The following PRDM12 variants were observed in gnomAD, a reference collection of about 807,000 sequenced individuals.
The protein encoded by PRDM12 is PR domain zinc finger protein 12.
A neutral mutation model predicts 29.6 loss-of-function variants in PRDM12; 17 were observed. The observed-to-expected ratio is 0.57, with a 90% CI of 0.39 to 0.86. The LOEUF is 0.86. Ranked by LOEUF, PRDM12 falls within the 40% of genes least tolerant of loss-of-function variation. PRDM12 has a pLI of 0.00. For missense variants in PRDM12, 422 were observed against 510.8 expected (o/e 0.83, Z 1.68); for synonymous variants, 231 against 225.8 (o/e 1.02, Z -0.21).
chr9:130,667,512 C>T (rs979057561), intron 2 of PRDM12, among the ~76,000 whole-genome samples: 3 of 141,008 alleles, frequency 2.1e-5, no homozygotes, highest in East Asian at 2.4e-4. Context: ...CTCATTCCCT[C>T]GCCCGCTCCC....
In PRDM12 at chr9:130,664,903, C is replaced by A. The variant is rs1159277744; in HGVS notation, c.223+27C>A. 2 of 1,502,328 alleles carry A rather than the reference C, an allele frequency of 1.3e-6. No individual in the cohort carries two copies. The highest frequency in any genetic ancestry group is 2.0e-5 in the Admixed American group (1 of 49,026). 93.1% of individuals were successfully genotyped at this position (1,502,328 alleles called of 1,614,324 possible). A position where few individuals can be genotyped will look rare whatever the true frequency, so the allele number is the denominator to read the frequency against. ...TGAGTCCAGCCGTCGGAGCCCGGCG[C>A]AATCCCTCCTCCCGGCGACCCCCAT... On this transcript the variant is annotated intron_variant, in intron 1 of 4. Transcript: ENST00000253008. The surrounding 1 kb of genome is among the most constrained non-coding windows in gnomAD (Gnocchi z 6.4).
At chr9:130,674,881 T>G (rs1405211778) in intron 3 of PRDM12, among the ~76,000 whole-genome samples, 1 of 152,190 alleles carries the variant, frequency 6.6e-6, no homozygotes, top group South Asian at 2.1e-4. Flanking sequence ...TCAGAGTTCT[T>G]ATTTTATTTA....
intron 3 of PRDM12, among the ~76,000 whole-genome samples, chr9:130,676,593 G>A (rs1287857144): frequency 6.6e-6 from 1 of 152,162 alleles, no homozygotes; most frequent in Non-Finnish European, 1.5e-5. Context: ...CTGACCTGCT[G>A]GCCTCCTGGA....
intron 1 of PRDM12, among the ~76,000 whole-genome samples, chr9:130,665,919 C>T (rs914587613): frequency 6.6e-6 from 1 of 152,216 alleles, no homozygotes; most frequent in Non-Finnish European, 1.5e-5. Context: ...GGGGCCGCCG[C>T]GGCTCCTCCC....
In PRDM12 at chr9:130,666,755, C is replaced by A. The variant is rs764884666; in HGVS notation, c.371C>A (p.Pro124Gln). The change falls in exon 2 of 5, where the codon CCG (proline) becomes CAG (glutamine). Residue 124 changes from proline (P) to glutamine (Q), a missense_variant. Physicochemically the swap from Pro to Gln is moderately conservative, Grantham distance 76 (BLOSUM62 -1). Transcript: ENST00000253008. Reference protein sequence around the residue: ...MGPFTGRVIAPEHVDICKNNN... With the variant: ...MGPFTGRVIAQEHVDICKNNN... ...CCCTTCACCGGCCGCGTGATCGCCCCGGAGCACGTGGACATCTGCAAGAAC... is the reference window on the plus strand; with the variant it reads ...CCCTTCACCGGCCGCGTGATCGCCCAGGAGCACGTGGACATCTGCAAGAAC... 19 of 1,612,392 alleles carry A rather than the reference C, an allele frequency of 1.2e-5. No homozygotes were observed. In the South Asian group the frequency reaches 1.9e-4, roughly 16 times the overall value.
intron 3 of PRDM12, among the ~76,000 whole-genome samples, 192 bp from the exon 4 acceptor site, chr9:130,678,337 G>A (rs529560408): frequency 6.6e-6 from 1 of 152,018 alleles, no homozygotes; most frequent in South Asian, 2.1e-4. Context: ...GGGGGGCAGA[G>A]GGGCTCGACA....
intron 4 of PRDM12, among the ~76,000 whole-genome samples, chr9:130,678,948 A>G (rs991963495): frequency 4.6e-5 from 7 of 152,346 alleles, no homozygotes; most frequent in Middle Eastern, 6.8e-3. Context: ...GCTGGGCAGC[A>G]GGAGCCTGGA....
At chr9:130,669,244 G>A (rs1037933905) in intron 3 of PRDM12, among the ~76,000 whole-genome samples, 2 of 152,018 alleles carry the variant, frequency 1.3e-5, no homozygotes, top group African/African-American at 4.8e-5. Context: ...GGAGAATGGC[G>A]TGAACCCGGA....
intron 3 of PRDM12, among the ~76,000 whole-genome samples, chr9:130,671,853 T>G (rs987247495): frequency 6.6e-6 from 1 of 152,240 alleles, no homozygotes; most frequent in Non-Finnish European, 1.5e-5. Flanking sequence ...CTGCCACTCA[T>G]AGTTCATAAC....
chr9:130,678,662 G>A (rs750320356), intron 4 of PRDM12, 22 bp downstream of exon 4: 43 of 1,560,622 alleles, frequency 2.8e-5, no homozygotes, highest in Admixed American at 2.5e-4. Context: ...CCATGGGGCC[G>A]CTGAGACACA....
At position 130,668,101 on chromosome 9, in the gene PRDM12, A is replaced by C; in HGVS notation, c.415-57A>C. ...GAGTGTGTGTGTGGATGTGCCTGGA[A>C]GATGGTACACATGGCATAGCCCTGC... On this transcript the variant is annotated intron_variant, in intron 2 of 4. Transcript: ENST00000253008. The surrounding 1 kb of genome is among the most constrained non-coding windows in gnomAD (Gnocchi z 4.0). The C allele has an allele frequency of 6.3e-7, 1 of 1,587,196 alleles. No individual in the cohort carries two copies. Among genetic ancestry groups the C allele is most frequent in the Non-Finnish European group, 8.6e-7 (1 of 1,158,230 alleles).
At chr9:130,674,530 G>A (rs1588187263) in intron 3 of PRDM12, among the ~76,000 whole-genome samples, 1 of 147,888 alleles carries the variant, frequency 6.8e-6, no homozygotes, top group African/African-American at 2.5e-5. Context: ...GTGTGTGTGT[G>A]TGTATAGAAG....
At chr9:130,669,523 A>G (rs1342226343) in intron 3 of PRDM12, among the ~76,000 whole-genome samples, 1 of 124,586 alleles carries the variant, frequency 8.0e-6, no homozygotes, top group East Asian at 2.3e-4. Flanking sequence ...ACTCCATCTC[A>G]AAAAAAAAAA....
intron 3 of PRDM12, among the ~76,000 whole-genome samples, chr9:130,669,815 C>CAA (rs55753417): frequency 4.3e-4 from 19 of 43,912 alleles, no homozygotes; most frequent in East Asian, 8.4e-4. Context: ...GACTCCATCT[C>CAA]AAAAAAAAAA....
intron 3 of PRDM12, among the ~76,000 whole-genome samples, chr9:130,677,400 C>T (rs551304150): frequency 6.6e-6 from 1 of 152,200 alleles, no homozygotes; most frequent in South Asian, 2.1e-4. Context: ...GAAGCCAACG[C>T]GGGGTCCTGG....
intron 3 of PRDM12, among the ~76,000 whole-genome samples, chr9:130,669,397 C>T (rs1309677243): frequency 2.6e-5 from 4 of 151,884 alleles, no homozygotes; most frequent in African/African-American, 9.7e-5. Context: ...GTGGCAGACG[C>T]CTGTAATCTC....
chr9:130,666,849 T>C, intron 2 of PRDM12, 51 bp downstream of exon 2: 2 of 1,543,144 alleles, frequency 1.3e-6, no homozygotes, highest in South Asian at 1.2e-5. Context: ...GGGGCGCTGG[T>C]CGCGGGTAGG....
chr9:130,671,468 T>A (rs969333752), intron 3 of PRDM12, among the ~76,000 whole-genome samples: 1 of 151,960 alleles, frequency 6.6e-6, no homozygotes, highest in Admixed American at 6.6e-5. Context: ...CTATCAGTGC[T>A]TTTACAGAGT....
rs188648912 is a variant in PRDM12, at chr9:130,680,954, T to C, written c.683-294T>C. On this transcript the variant is annotated intron_variant, in intron 4 of 4. Transcript: ENST00000253008. The stretch of plus-strand genomic sequence containing the variant: ...AATCGTACGCCCGAAAAGGCAGTGC[T>C]AGCTTTCCATTTTACAGATGAGAAA... 4.3e-3 allele frequency among the ~76,000 whole-genome samples: 659 copies of C among 152,168 alleles called. 2 individuals are homozygous for C. The highest frequency in any genetic ancestry group is 0.015 in the African/African-American group (603 of 41,502).
Sources: gnomAD v4.1 joint callset for allele counts (sites outside exome capture counted in the v4.1 genomes callset) on GRCh38, gnomAD v4.1.1 for gene constraint, Gnocchi (gnomAD v3.1) non-coding constraint, MANE v1.5 for transcripts, NCBI Gene and HGNC (gene_info 2026-07-23, HGNC 2026-07-21) for gene names.